Variants in OPHN1 observed in about 807,000 individuals in gnomAD.
The protein encoded by OPHN1 is oligophrenin 1.
In OPHN1, 11 loss-of-function variants were observed where a neutral mutation model predicts 60.7. The observed-to-expected ratio is 0.18, with a 90% CI of 0.11 to 0.30. The LOEUF (loss-of-function observed/expected upper bound fraction) is 0.30, where lower values mean the gene tolerates loss of function less well. Ranked by LOEUF, OPHN1 falls within the 10% of genes least tolerant of loss-of-function variation. The probability of loss-of-function intolerance (pLI) is 1.00; values close to 1 mark genes in which losing one functional copy is unlikely to be tolerated. For missense variants in OPHN1, 449 were observed against 611.0 expected, an observed-to-expected ratio of 0.73 and a Z score of 2.80; for synonymous variants, 226 against 222.6, an observed-to-expected ratio of 1.02 and a Z score of -0.14.
intron 2 of OPHN1, among the ~76,000 whole-genome samples, chrX:68,377,143 C>T (rs902525332): frequency 2.9e-5 from 3 of 102,915 alleles, no homozygotes; most frequent in African/African-American, 1.1e-4. Flanking sequence ...GTTGCCCAGG[C>T]TGGAGTGCAG....
rs2078425972 is a variant in OPHN1, at chrX:68,353,782, T to C, written c.155-54686A>G. On this transcript the variant is annotated intron_variant, in intron 2 of 24. Transcript: ENST00000355520. ...CAATTTCCATTGCTCAATTTCTTCA[T>C]TTCAGCAACCATGACTGTTTTAATA... Among the ~76,000 whole-genome samples the C allele has an allele frequency of 2.7e-5, 3 of 111,801 alleles. No individual in the cohort carries two copies. The South Asian group carries it at 1.1e-3, about 41-fold the overall frequency.
chrX:68,335,862 G>A (rs1373097147), intron 2 of OPHN1, among the ~76,000 whole-genome samples: 1 of 111,412 alleles, frequency 9.0e-6, no homozygotes, highest in Non-Finnish European at 1.9e-5. Context: ...CCCGAGAGGT[G>A]GAGGCTGCAA....
chrX:68,076,575 A>C (rs759223016), intron 19 of OPHN1, among the ~76,000 whole-genome samples: 58 of 112,129 alleles, frequency 5.2e-4, no homozygotes, highest in Non-Finnish European at 9.6e-4. Flanking sequence ...CTCTTCCAGA[A>C]AGTACAATGA....
At chrX:68,274,496 A>G (rs1424124289) in intron 5 of OPHN1, among the ~76,000 whole-genome samples, 1 of 111,641 alleles carries the variant, frequency 9.0e-6, no homozygotes, top group African/African-American at 3.3e-5. Context: ...TCATTTTCTC[A>G]TAGAAACTAA....
intron 5 of OPHN1, among the ~76,000 whole-genome samples, chrX:68,253,482 C>T (rs921015183): frequency 1.8e-5 from 2 of 111,586 alleles, no homozygotes; most frequent in Non-Finnish European, 1.9e-5. Context: ...GATCCCATCT[C>T]CCCTGCTAAC....
rs1199722947 is a variant in OPHN1, at chrX:68,380,154, T to C, written c.154+52713A>G. On this transcript the variant is annotated intron_variant, in intron 2 of 24. Coordinates refer to ENST00000355520, the MANE Select transcript of OPHN1 (RefSeq NM_002547.3). ...GATTCAACTTCTTCCTGGTTTAATC[T>C]TGGGAGGGTGTATGTGTCGAGGAAT... Among the ~76,000 whole-genome samples, 6 of 111,512 alleles carry C rather than the reference T, an allele frequency of 5.4e-5. No individual in the cohort carries two copies. In the South Asian group the frequency reaches 2.3e-3, roughly 42 times the overall value.
chrX:68,183,577 T>C (rs1433768133), intron 15 of OPHN1, among the ~76,000 whole-genome samples: 3 of 112,351 alleles, frequency 2.7e-5, no homozygotes, highest in African/African-American at 9.7e-5. Flanking sequence ...CCTTACTAAC[T>C]AGCTGTCATC....
At chrX:68,110,002 G>A (rs1602162504) in intron 18 of OPHN1, among the ~76,000 whole-genome samples, 1 of 4,733 alleles carries the variant, frequency 2.1e-4, no homozygotes, top group African/African-American at 2.5e-4. Context: ...TAGAGTATAC[G>A]CCTTAAAAAA....
intron 2 of OPHN1, among the ~76,000 whole-genome samples, chrX:68,388,914 G>A (rs753831415): frequency 4.6e-5 from 5 of 109,620 alleles, no homozygotes; most frequent in African/African-American, 9.9e-5. Flanking sequence ...TAATAAGATC[G>A]TACTGAGAAA....
chrX:68,315,687 T>C (rs980464410), intron 2 of OPHN1, among the ~76,000 whole-genome samples: 3 of 111,566 alleles, frequency 2.7e-5, no homozygotes, highest in Non-Finnish European at 3.8e-5. Context: ...CAAAAAATAT[T>C]ATTAGACCTA....
chrX:68,205,612 C>T (rs906136805), intron 10 of OPHN1, among the ~76,000 whole-genome samples: 10 of 111,575 alleles, frequency 9.0e-5, no homozygotes, highest in African/African-American at 2.9e-4. Context: ...AAAAAAATTT[C>T]AGTAGCCTGA....
At chrX:68,053,947 T>TG in intron 21 of OPHN1, 137 bp from the exon 22 acceptor site, 3 of 538,491 alleles carry the variant, frequency 5.6e-6, no homozygotes, top group Admixed American at 8.6e-5. Context: ...CAACTCTGGC[T>TG]ATTTTTTTTT....
intron 6 of OPHN1, among the ~76,000 whole-genome samples, chrX:68,223,980 G>A (rs1035503524): frequency 2.7e-5 from 3 of 111,390 alleles, no homozygotes; most frequent in Admixed American, 9.6e-5. Context: ...AGAATTACAA[G>A]GAGAGACACA....
intron 10 of OPHN1, 118 bp downstream of exon 10, chrX:68,206,455 G>C: frequency 1.7e-6 from 1 of 576,628 alleles, no homozygotes; most frequent in Non-Finnish European, 3.0e-6. Flanking sequence ...TACATATAAA[G>C]TCATGGCCTC....
intron 11 of OPHN1, among the ~76,000 whole-genome samples, chrX:68,201,111 T>C (rs2077533496): frequency 8.9e-6 from 1 of 111,770 alleles, no homozygotes; most frequent in African/African-American, 3.3e-5. Flanking sequence ...AATCACACTA[T>C]TTCCAGTTCA....
chrX:68,111,084 T>G (rs2077101878), intron 18 of OPHN1, among the ~76,000 whole-genome samples: 1 of 112,172 alleles, frequency 8.9e-6, no homozygotes. Context: ...GCTAAATATA[T>G]ACACTTAAAA....
At chrX:68,140,519 C>T (rs1053447281) in intron 15 of OPHN1, among the ~76,000 whole-genome samples, 2 of 110,643 alleles carry the variant, frequency 1.8e-5, no homozygotes, top group Admixed American at 1.9e-4. Flanking sequence ...CATGAAGCAA[C>T]CTGGTGAGGG....
At chrX:68,272,824 C>T (rs1482671521) in intron 5 of OPHN1, among the ~76,000 whole-genome samples, 3 of 112,477 alleles carry the variant, frequency 2.7e-5, no homozygotes, top group Non-Finnish European at 3.8e-5. Flanking sequence ...GGTAGCATAT[C>T]CTTACTTTCC....
intron 15 of OPHN1, among the ~76,000 whole-genome samples, chrX:68,173,268 C>G (rs1202635689): frequency 9.0e-6 from 1 of 111,338 alleles, no homozygotes; most frequent in Non-Finnish European, 1.9e-5. Context: ...TCCCATCAAC[C>G]TGTGAATAAT....
Sources: allele counts gnomAD v4.1 joint callset (sites outside exome capture counted in the v4.1 genomes callset), GRCh38; gene constraint gnomAD v4.1.1; transcripts MANE v1.5; gene names NCBI Gene and HGNC (gene_info 2026-07-23, HGNC 2026-07-21).